ERC2: variants seen among roughly 807,000 people sequenced by gnomAD.
ERC2 encodes ELKS/RAB6-interacting/CAST family member 2, also known as ERC protein 2.
A neutral mutation model predicts 114.8 loss-of-function variants in ERC2; 42 were observed. That is an observed-to-expected ratio of 0.37 (90% confidence interval 0.29 to 0.47). ERC2 has a LOEUF of 0.47. ERC2 is among the 20% of genes least tolerant of loss of function. ERC2 has a pLI of 0.99. For synonymous variants in ERC2, 454 were observed against 425.5 expected, an observed-to-expected ratio of 1.07 and a Z score of -0.82; for missense variants, 939 against 1,150.7, an observed-to-expected ratio of 0.82 and a Z score of 2.66.
rs201679966 is a variant in ERC2, at chr3:56,299,096, GT to G, written c.658-2662del. On this transcript the variant is annotated intron_variant, in intron 2 of 17. Coordinates refer to ENST00000288221, the MANE Select transcript of ERC2 (RefSeq NM_015576.3). Reference sequence around the variant, plus strand: ...ACATATATAGCTAGATAGGTAGATAGTTTTTTTTTGTTTTTTTTTTTTGTTT... The same window carrying G: ...ACATATATAGCTAGATAGGTAGATAGTTTTTTTTGTTTTTTTTTTTTGTTT... 7.8e-5 allele frequency among the ~76,000 whole-genome samples: 11 copies of G among 141,644 alleles called. 1 individual carries two copies. The highest frequency in any genetic ancestry group is 4.0e-4 in the East Asian group (2 of 4,996). The allele number at this position is 141,644 out of a possible 152,430, so 92.9% of individuals were successfully genotyped here.
intron 5 of ERC2, among the ~76,000 whole-genome samples, chr3:56,144,358 T>C (rs554728341): frequency 6.6e-6 from 1 of 152,296 alleles, no homozygotes. Context: ...CTAAAATCTG[T>C]TATGATCAAC....
chr3:55,550,972 C>T (rs138261795), intron 17 of ERC2, among the ~76,000 whole-genome samples: 1,543 of 148,010 alleles, frequency 0.01, 19 homozygotes, highest in Non-Finnish European at 0.014. Context: ...GCTGAGATCG[C>T]GCCACTGCAC....
intron 14 of ERC2, among the ~76,000 whole-genome samples, chr3:55,755,622 A>T (rs2067001492): frequency 6.6e-6 from 1 of 152,190 alleles, no homozygotes; most frequent in African/African-American, 2.4e-5. Context: ...TCAGGTTGTA[A>T]GTATTTGTTA....
At chr3:56,000,819 G>T (rs976616187) in intron 10 of ERC2, among the ~76,000 whole-genome samples, 1 of 151,688 alleles carries the variant, frequency 6.6e-6, no homozygotes, top group African/African-American at 2.4e-5. Flanking sequence ...TCCAGAGGCT[G>T]AGGCAGGAGG....
chr3:56,455,954 G>T (rs2063042532), intron 1 of ERC2, among the ~76,000 whole-genome samples: 1 of 152,178 alleles, frequency 6.6e-6, no homozygotes, highest in Non-Finnish European at 1.5e-5. Context: ...TCCCCAGATA[G>T]CAAGAAGACC....
intron 14 of ERC2, among the ~76,000 whole-genome samples, chr3:55,816,795 A>T (rs1409187961): frequency 6.6e-6 from 1 of 152,196 alleles, no homozygotes; most frequent in East Asian, 1.9e-4. Flanking sequence ...AAAACACCCC[A>T]AGCAGGCAAA....
intron 1 of ERC2, among the ~76,000 whole-genome samples, chr3:56,443,326 G>A (rs2062405081): frequency 2.0e-5 from 3 of 152,170 alleles, no homozygotes; most frequent in African/African-American, 7.2e-5. Flanking sequence ...CTTCACCACT[G>A]TACATCTGCT....
At chr3:55,765,443 A>G (rs1478645720) in intron 14 of ERC2, among the ~76,000 whole-genome samples, 1 of 152,208 alleles carries the variant, frequency 6.6e-6, no homozygotes, top group Non-Finnish European at 1.5e-5. Context: ...CTTAATCTAG[A>G]GATAAGTGCA....
At chr3:55,655,582 C>T (rs1360903749) in intron 17 of ERC2, among the ~76,000 whole-genome samples, 2 of 152,124 alleles carry the variant, frequency 1.3e-5, no homozygotes, top group East Asian at 3.8e-4. Context: ...CTTGTGATGC[C>T]CCTCTAACCA....
intron 17 of ERC2, among the ~76,000 whole-genome samples, chr3:55,602,031 G>A (rs1326043511): frequency 1.3e-5 from 2 of 152,162 alleles, no homozygotes; most frequent in African/African-American, 2.4e-5. Flanking sequence ...TGGGTGGATG[G>A]ATAAATGAAT....
intron 17 of ERC2, among the ~76,000 whole-genome samples, chr3:55,563,778 T>G (rs2056190424): frequency 6.6e-6 from 1 of 152,152 alleles, no homozygotes; most frequent in Non-Finnish European, 1.5e-5. Flanking sequence ...GATAGAGAGA[T>G]AGACAGAGAC....
chr3:55,692,762 T>A (rs2062730748), intron 16 of ERC2, among the ~76,000 whole-genome samples: 1 of 152,218 alleles, frequency 6.6e-6, no homozygotes, highest in African/African-American at 2.4e-5. Context: ...TCTGCCTATA[T>A]GCAAGAATCC....
chr3:55,662,705 T>G (rs2061188328), intron 17 of ERC2, among the ~76,000 whole-genome samples: 1 of 152,156 alleles, frequency 6.6e-6, no homozygotes, highest in Admixed American at 6.5e-5. Flanking sequence ...TTTAAAGAAT[T>G]GGGTGAAAAA....
At chr3:56,349,455 C>T (rs1246096864) in intron 2 of ERC2, among the ~76,000 whole-genome samples, 1 of 152,176 alleles carries the variant, frequency 6.6e-6, no homozygotes, top group Non-Finnish European at 1.5e-5. Context: ...GAAACTATGC[C>T]CTTTTAAAAG....
chr3:55,618,622 C>A (rs1052543293), intron 17 of ERC2, among the ~76,000 whole-genome samples: 6 of 152,106 alleles, frequency 3.9e-5, no homozygotes, highest in African/African-American at 1.4e-4. Context: ...TAATCCCATT[C>A]TTTTTAAGAG....
chr3:55,864,742 G>C (rs1306407698), intron 14 of ERC2, among the ~76,000 whole-genome samples: 3 of 152,016 alleles, frequency 2.0e-5, no homozygotes, highest in African/African-American at 7.2e-5. Context: ...TTGCCAAACT[G>C]TCACCATCAT....
intron 10 of ERC2, among the ~76,000 whole-genome samples, chr3:55,997,880 G>GTTTGTTT (rs1559996207): frequency 2.2e-5 from 1 of 44,788 alleles, no homozygotes. Flanking sequence ...TCTTAATTCT[G>GTTTGTTT]TTTTTTTTTT....
intron 13 of ERC2, among the ~76,000 whole-genome samples, chr3:55,915,448 A>T (rs1192807692): frequency 6.6e-6 from 1 of 152,184 alleles, no homozygotes; most frequent in Non-Finnish European, 1.5e-5. Context: ...TTAATTTATA[A>T]TACACCTTGG....
At chr3:56,356,453 G>A (rs2058747069) in intron 2 of ERC2, among the ~76,000 whole-genome samples, 2 of 152,198 alleles carry the variant, frequency 1.3e-5, no homozygotes, top group South Asian at 4.1e-4. Flanking sequence ...CTGGTTCAAA[G>A]TTTGAGTTGG....
Sources: gnomAD v4.1 joint callset for allele counts (sites outside exome capture counted in the v4.1 genomes callset) on GRCh38, gnomAD v4.1.1 for gene constraint, MANE v1.5 for transcripts, NCBI Gene and HGNC (gene_info 2026-07-23, HGNC 2026-07-21) for gene names.